Variants in EP400 observed in about 807,000 individuals in gnomAD.
EP400 encodes E1A-binding protein p400.
Under a neutral mutation model 354.1 loss-of-function variants are expected in EP400, and 105 were observed. The observed-to-expected ratio is 0.30, with a 90% CI of 0.25 to 0.35. The LOEUF (loss-of-function observed/expected upper bound fraction) is 0.35. Ranked by LOEUF, EP400 falls within the 10% of genes least tolerant of loss-of-function variation. The pLI, the probability that EP400 is intolerant of heterozygous loss-of-function variation, is 1.00. For synonymous variants in EP400, 1,646 were observed against 1,716.9 expected, an observed-to-expected ratio of 0.96 and a Z score of 1.02; for missense variants, 3,280 against 4,121.0, an observed-to-expected ratio of 0.80 and a Z score of 5.59.
chr12:131,994,985 C>T lies in EP400; in HGVS notation c.2827+29C>T, dbSNP rs923872409. 2.5e-6 allele frequency: 4 copies of T among 1,588,554 alleles called. No individual in the cohort carries two copies. The highest frequency in any genetic ancestry group is 3.5e-6 in the Non-Finnish European group (4 of 1,158,522). ...GGCTGTTGCTACCTTATTAAACATTCAGTAAGTAAAAAGAAACATTTAAAA... is the reference window on the plus strand; with the variant it reads ...GGCTGTTGCTACCTTATTAAACATTTAGTAAGTAAAAAGAAACATTTAAAA... On this transcript the variant is annotated intron_variant, in intron 12 of 52. Coordinates refer to ENST00000389561, the MANE Select transcript of EP400 (RefSeq NM_015409.5). This position sits in a 1 kb window ranked among gnomAD's most constrained non-coding sequence, Gnocchi z 4.6.
chr12:132,073,147 C>T (rs1420491468), intron 51 of EP400, among the ~76,000 whole-genome samples: 1 of 151,684 alleles, frequency 6.6e-6, no homozygotes, highest in East Asian at 1.9e-4. Context: ...TTTCTGGCTT[C>T]TCTTTTGTTT....
intron 25 of EP400, among the ~76,000 whole-genome samples, chr12:132,026,267 C>T (rs1002438743): frequency 6.6e-6 from 1 of 152,200 alleles, no homozygotes; most frequent in Non-Finnish European, 1.5e-5. Flanking sequence ...TGGACATGCT[C>T]TGTCATGATG....
At chr12:131,969,689 T>A (rs555081981) in intron 2 of EP400, among the ~76,000 whole-genome samples, 2 of 152,304 alleles carry the variant, frequency 1.3e-5, no homozygotes, top group South Asian at 4.2e-4. Flanking sequence ...GCCTGGTTCC[T>A]TTCGGTGGGG....
intron 12 of EP400, among the ~76,000 whole-genome samples, chr12:131,998,879 A>T (rs12369572): frequency 0.083 from 6,890 of 82,550 alleles, 650 homozygotes; most frequent in African/African-American, 0.17. Context: ...GTATACAAAG[A>T]CTTTGTATAC....
At chr12:131,995,519 C>G in intron 12 of EP400, among the ~76,000 whole-genome samples, 1 of 150,152 alleles carries the variant, frequency 6.7e-6, no homozygotes, top group Non-Finnish European at 1.5e-5. Context: ...CTGAATGTAC[C>G]GTTCATCTTG....
chr12:132,064,787 G>A lies in EP400; in HGVS notation c.8454G>A (p.Pro2818=), dbSNP rs780924450. 7.2e-5 allele frequency: 116 copies of A among 1,612,788 alleles called. 1 individual carries two copies. Among genetic ancestry groups the A allele is most frequent in the South Asian group, 1.1e-4 (10 of 91,068 alleles). ...AAGTGCAAGTGCAGACCTCGCAGCC[G>A]CCGCAGCAGCAGAGCCCCCAGCTCA... ...TAQVQVQTSQ[P]PQQQSPQLTT... Residue 2818 remains proline, a synonymous_variant, in exon 48 of 53, where the codon CCG becomes CCA. Coordinates refer to ENST00000389561, the MANE Select transcript of EP400 (RefSeq NM_015409.5).
At chr12:131,979,427 G>C (rs896659248) in intron 2 of EP400, among the ~76,000 whole-genome samples, 1 of 152,104 alleles carries the variant, frequency 6.6e-6, no homozygotes, top group Non-Finnish European at 1.5e-5. Flanking sequence ...CCCAAGGACT[G>C]TAGGTTTGCA....
Position 131,994,850 on chromosome 12 carries a change from G to A in EP400, c.2738-17G>A. 6.2e-7 allele frequency: 1 copy of A among 1,612,864 alleles called. No individual in the cohort carries two copies. The highest frequency in any genetic ancestry group is 1.3e-5 in the African/African-American group (1 of 75,020). ...GTGGTGTTGCCTCTCAGTGACACTT[G>A]CTGATAACCATTTTAGTGGACGATG... is the stretch of plus-strand genomic sequence containing the variant. On this transcript the variant is annotated splice_polypyrimidine_tract_variant and intron_variant, in intron 11 of 52. Coordinates refer to ENST00000389561, the MANE Select transcript of EP400 (RefSeq NM_015409.5). This position sits in a 1 kb window ranked among gnomAD's most constrained non-coding sequence, Gnocchi z 4.6.
chr12:132,024,196 C>T (rs1039192807), intron 24 of EP400, among the ~76,000 whole-genome samples: 5 of 152,162 alleles, frequency 3.3e-5, no homozygotes, highest in African/African-American at 4.8e-5. Flanking sequence ...AAGAGAGTTT[C>T]GTATTTTGTA....
In EP400 at chr12:131,960,460, C is replaced by T. The variant is rs1380054306; in HGVS notation, c.-35-125C>T. On this transcript the variant is annotated intron_variant, in intron 1 of 52. Coordinates refer to ENST00000389561, the MANE Select transcript of EP400 (RefSeq NM_015409.5). Reference sequence around the variant, plus strand: ...CAGCTGTGCCATATTGAATGTGAGTCAGCTCTGTCGTTTGAATCAGATGCG... The same window carrying T: ...CAGCTGTGCCATATTGAATGTGAGTTAGCTCTGTCGTTTGAATCAGATGCG... 1.8e-5 allele frequency: 17 copies of T among 963,332 alleles called. No homozygotes were observed. The East Asian group carries it at 4.2e-4, about 24-fold the overall frequency. 59.7% of individuals were successfully genotyped at this position (963,332 alleles called of 1,614,324 possible). A position where few individuals can be genotyped will look rare whatever the true frequency, so the allele number is the denominator to read the frequency against.
chr12:132,035,379 G>C (rs1894659338), intron 30 of EP400, among the ~76,000 whole-genome samples: 1 of 152,228 alleles, frequency 6.6e-6, no homozygotes, highest in African/African-American at 2.4e-5. Context: ...TGAGCAGCCA[G>C]GTGGAAAATG....
chr12:132,001,326 T>C (rs904327086), intron 12 of EP400, among the ~76,000 whole-genome samples: 10 of 152,180 alleles, frequency 6.6e-5, no homozygotes, highest in African/African-American at 2.4e-4. Flanking sequence ...CAGGGGGCCC[T>C]CCCCTGCCTG....
At chr12:132,037,587 C>T (rs1451933954) in intron 30 of EP400, 95 bp from the exon 31 acceptor site, 10 of 941,810 alleles carry the variant, frequency 1.1e-5, no homozygotes, top group East Asian at 1.0e-4. Context: ...GGAGGAGGGA[C>T]GTGGATTCGT....
At chr12:131,983,569 A>T (rs1892753723) in intron 5 of EP400, among the ~76,000 whole-genome samples, 1 of 152,238 alleles carries the variant, frequency 6.6e-6, no homozygotes, top group South Asian at 2.1e-4. Flanking sequence ...TTGGTTCTCC[A>T]CTGTTTGATG....
chr12:131,970,233 C>T lies in EP400; in HGVS notation c.1335+8279C>T, dbSNP rs115522962. On this transcript the variant is annotated intron_variant, in intron 2 of 52. Transcript: ENST00000389561. ...AATAGGCCAGGAGTGCCTATCAACA[C>T]GAAAAAGAGATGCAGTGTTTACAGT... 7.6e-3 allele frequency among the ~76,000 whole-genome samples: 1,150 copies of T among 152,262 alleles called. 21 individuals are homozygous for T. Among genetic ancestry groups the T allele is most frequent in the African/African-American group, 0.025 (1,047 of 41,552 alleles).
In EP400 at chr12:132,070,138, T is replaced by G. The variant is rs923731489; in HGVS notation, c.9021+497T>G. 1.3e-5 allele frequency among the ~76,000 whole-genome samples: 2 copies of G among 152,056 alleles called. No homozygotes were observed. The highest frequency in any genetic ancestry group is 4.8e-5 in the African/African-American group (2 of 41,388). ...TTATGGAGTTACCTCCCTGCATCCT[T>G]CTCTAAGAGCGGGGGAGTGGTACCT... On this transcript the variant is annotated intron_variant, in intron 51 of 52. Coordinates refer to ENST00000389561, the MANE Select transcript of EP400 (RefSeq NM_015409.5). This position sits in a 1 kb window ranked among gnomAD's most constrained non-coding sequence, Gnocchi z 4.1.
intron 47 of EP400, among the ~76,000 whole-genome samples, chr12:132,063,894 A>G (rs1335401187): frequency 1.3e-5 from 2 of 152,194 alleles, no homozygotes; most frequent in African/African-American, 4.8e-5. Flanking sequence ...ACAGTGCTGA[A>G]TTAGAATGCT....
intron 6 of EP400, among the ~76,000 whole-genome samples, chr12:131,987,308 T>C (rs1276478721): frequency 6.6e-6 from 1 of 152,252 alleles, no homozygotes; most frequent in Non-Finnish European, 1.5e-5. Context: ...TTTATCACAG[T>C]GATCAGTATG....
chr12:131,982,675 G>A lies in EP400; in HGVS notation c.1929+197G>A, dbSNP rs114269788. Among the ~76,000 whole-genome samples the A allele has an allele frequency of 4.6e-3, 701 of 152,232 alleles. 9 individuals carry two copies. Among genetic ancestry groups the A allele is most frequent in the African/African-American group, 0.015 (625 of 41,526 alleles). On this transcript the variant is annotated intron_variant, in intron 5 of 52. Transcript: ENST00000389561. Reference sequence around the variant, plus strand: ...GCTCTATGATATTATCTTTATTAAAGTAATAGAGAACTGGGCTGGGTTTGG... The same window carrying A: ...GCTCTATGATATTATCTTTATTAAAATAATAGAGAACTGGGCTGGGTTTGG...
Sources: allele counts gnomAD v4.1 joint callset (sites outside exome capture counted in the v4.1 genomes callset), GRCh38; gene constraint gnomAD v4.1.1; non-coding constraint Gnocchi (gnomAD v3.1); transcripts MANE v1.5; gene names NCBI Gene and HGNC (gene_info 2026-07-23, HGNC 2026-07-21).